Variants in RALYL observed in about 807,000 individuals in gnomAD.
The protein encoded by RALYL is RALY RNA binding protein like, also known as RNA-binding Raly-like protein.
Under a neutral mutation model 35.1 loss-of-function variants are expected in RALYL, and 29 were observed. That is an observed-to-expected ratio of 0.83 (90% CI 0.61 to 1.13). The LOEUF is 1.13. RALYL is among the 50% of genes most tolerant of loss of function. The pLI, the probability that RALYL is intolerant of heterozygous loss-of-function variation, is 0.00. For missense variants in RALYL, 359 were observed against 360.4 expected, an observed-to-expected ratio of 1.00 and a Z score of 0.03; for synonymous variants, 120 against 127.6, an observed-to-expected ratio of 0.94 and a Z score of 0.40.
At chr8:84,899,885 A>G (rs1845376174) in intron 8 of RALYL, among the ~76,000 whole-genome samples, 1 of 152,242 alleles carries the variant, frequency 6.6e-6, no homozygotes, top group Admixed American at 6.5e-5. Flanking sequence ...AAAAGAAAAG[A>G]GTCACAAGTT....
intron 1 of RALYL, among the ~76,000 whole-genome samples, chr8:84,272,730 G>C (rs1834571662): frequency 6.6e-6 from 1 of 152,154 alleles, no homozygotes; most frequent in South Asian, 2.1e-4. Context: ...AAGAATGTCA[G>C]CCTGTATGAA....
chr8:84,257,378 TG>T (rs1224849344), intron 1 of RALYL, among the ~76,000 whole-genome samples: 1 of 152,112 alleles, frequency 6.6e-6, no homozygotes, highest in Admixed American at 6.6e-5. Flanking sequence ...AGGATTTCAT[TG>T]TTTTTGACTA....
At chr8:84,628,225 C>T (rs1049902525) in intron 2 of RALYL, among the ~76,000 whole-genome samples, 1 of 151,940 alleles carries the variant, frequency 6.6e-6, no homozygotes, top group South Asian at 2.1e-4. Context: ...TGCAACTTCT[C>T]AGCCCATGAA....
intron 1 of RALYL, among the ~76,000 whole-genome samples, chr8:84,197,656 C>T (rs150841027): frequency 0.013 from 1,903 of 151,828 alleles, 45 homozygotes; most frequent in African/African-American, 0.043. Context: ...GGGCCGGGCG[C>T]GGTGGCTCAC....
At chr8:84,644,724 A>C (rs1188334427) in intron 2 of RALYL, among the ~76,000 whole-genome samples, 31 of 151,002 alleles carry the variant, frequency 2.1e-4, no homozygotes, top group Non-Finnish European at 3.0e-5. Context: ...TTGTGTTCCA[A>C]GTTTGTCTTT....
At chr8:84,826,776 G>A (rs1455961369) in intron 4 of RALYL, among the ~76,000 whole-genome samples, 2 of 150,380 alleles carry the variant, frequency 1.3e-5, no homozygotes, top group Non-Finnish European at 3.0e-5. Flanking sequence ...ACACCCCCAC[G>A]CCCCCGCCAC....
intron 1 of RALYL, chr8:84,184,894 G>A (rs1290473650): frequency 7.2e-7 from 1 of 1,395,778 alleles, no homozygotes. Flanking sequence ...CGCATATTCC[G>A]GAGGGGCTGG....
intron 1 of RALYL, among the ~76,000 whole-genome samples, chr8:84,396,191 C>G (rs1188614697): frequency 6.6e-6 from 1 of 151,818 alleles, no homozygotes; most frequent in East Asian, 1.9e-4. Flanking sequence ...GATCAGGATG[C>G]TTTTGAATTA....
chr8:84,609,053 C>G (rs1042875210), intron 2 of RALYL, among the ~76,000 whole-genome samples: 3 of 152,058 alleles, frequency 2.0e-5, no homozygotes, highest in Admixed American at 2.0e-4. Flanking sequence ...GGCTCAGTGT[C>G]CAGGGACCTT....
chr8:84,309,661 T>C (rs1035459520), intron 1 of RALYL, among the ~76,000 whole-genome samples: 1 of 152,220 alleles, frequency 6.6e-6, no homozygotes, highest in Non-Finnish European at 1.5e-5. Flanking sequence ...ATATAATTTA[T>C]GGAAACATGG....
intron 1 of RALYL, among the ~76,000 whole-genome samples, chr8:84,377,685 C>T (rs1433727908): frequency 1.3e-5 from 2 of 151,698 alleles, no homozygotes; most frequent in East Asian, 2.0e-4. Flanking sequence ...TCCACCCACT[C>T]TGCTCAAATA....
intron 1 of RALYL, among the ~76,000 whole-genome samples, chr8:84,461,480 A>T (rs892496669): frequency 2.6e-5 from 4 of 151,708 alleles, no homozygotes; most frequent in Non-Finnish European, 5.9e-5. Context: ...CAATAAAGGA[A>T]TAACTTCCAT....
At position 84,542,933 on chromosome 8, in the gene RALYL, A is replaced by T. The variant is rs543887902; in HGVS notation, c.256+13356A>T. On this transcript the variant is annotated intron_variant, in intron 2 of 8. Coordinates refer to ENST00000521268, the MANE Select transcript of RALYL (RefSeq NM_173848.7). ...CGTCCCTTAAGTCTCTTAGTTTAAA[A>T]GCTCTCCTAATATATCCCACATCCC... 2.6e-5 allele frequency among the ~76,000 whole-genome samples: 4 copies of T among 152,264 alleles called. No individual in the cohort carries two copies. The East Asian group carries it at 7.7e-4, about 29-fold the overall frequency.
rs186327791 is a variant in RALYL at position 84,873,323 on chromosome 8, C to G, written c.611C>G (p.Thr204Ser). 1.0e-4 allele frequency: 163 copies of G among 1,600,934 alleles called. No homozygotes were observed. The East Asian group carries it at 3.2e-3, about 32-fold the overall frequency. The stretch of plus-strand genomic sequence containing the variant: ...TTACAGACCATCAAGAAAGAATTAA[C>G]CCAGATCAAAACTAAAATTGACTCC... ...DELQTIKKEL[T>S]QIKTKIDSLL... Residue 204 changes from threonine (T) to serine (S), a missense_variant, in exon 7 of 9, where the codon ACC becomes AGC. Physicochemically the swap from Thr to Ser is moderately conservative, Grantham distance 58 (BLOSUM62 1). Coordinates refer to ENST00000521268, the MANE Select transcript of RALYL (RefSeq NM_173848.7).
At chr8:84,623,018 T>G (rs1238674238) in intron 2 of RALYL, among the ~76,000 whole-genome samples, 1 of 152,178 alleles carries the variant, frequency 6.6e-6, no homozygotes, top group Admixed American at 6.5e-5. Flanking sequence ...CTGCTTAAAA[T>G]TCAAGATCCT....
intron 1 of RALYL, among the ~76,000 whole-genome samples, chr8:84,186,592 T>C (rs1024506218): frequency 6.6e-6 from 1 of 152,114 alleles, no homozygotes; most frequent in Non-Finnish European, 1.5e-5. Flanking sequence ...TGGTTTAAGA[T>C]TGGGCAAAGC....
At chr8:84,523,776 T>G (rs1305622588) in intron 1 of RALYL, among the ~76,000 whole-genome samples, 2 of 151,588 alleles carry the variant, frequency 1.3e-5, no homozygotes, top group Admixed American at 1.3e-4. Context: ...TTTGGTTTTT[T>G]GTTCTTGCGA....
chr8:84,409,293 G>A (rs939784280), intron 1 of RALYL, among the ~76,000 whole-genome samples: 1 of 151,960 alleles, frequency 6.6e-6, no homozygotes, highest in African/African-American at 2.4e-5. Context: ...TGTATTGAGT[G>A]CTCTAGGATA....
At chr8:84,195,228 A>G (rs547313582) in intron 1 of RALYL, among the ~76,000 whole-genome samples, 21 of 152,206 alleles carry the variant, frequency 1.4e-4, no homozygotes, top group African/African-American at 4.8e-4. Flanking sequence ...TATTATATGT[A>G]AGTCACTGTA....
Sources: gnomAD v4.1 joint callset for allele counts (sites outside exome capture counted in the v4.1 genomes callset) on GRCh38, gnomAD v4.1.1 for gene constraint, MANE v1.5 for transcripts, NCBI Gene and HGNC (gene_info 2026-07-23, HGNC 2026-07-21) for gene names.